The following MARCHF8 variants were observed in gnomAD, a reference collection of about 807,000 sequenced individuals.
MARCHF8 encodes E3 ubiquitin-protein ligase MARCHF8.
Under a neutral mutation model 51.6 loss-of-function variants are expected in MARCHF8, and 40 were observed. That is an observed-to-expected ratio of 0.77 (90% CI 0.60 to 1.01). MARCHF8 has a LOEUF of 1.01. Among genes scored for constraint, MARCHF8 ranks in the 50% least tolerant of loss-of-function variants. The pLI is 0.00. For synonymous variants in MARCHF8, 263 were observed against 280.3 expected, an observed-to-expected ratio of 0.94 and a Z score of 0.62; for missense variants, 685 against 708.6, an observed-to-expected ratio of 0.97 and a Z score of 0.38.
At chr10:45,523,477 T>C (rs992024090) in intron 2 of MARCHF8, among the ~76,000 whole-genome samples, 2 of 152,242 alleles carry the variant, frequency 1.3e-5, no homozygotes, top group African/African-American at 4.8e-5. Context: ...TGAGCTATGA[T>C]CATGCCACTG....
At chr10:45,538,536 G>A (rs1299916328), upstream of MARCHF8, among the ~76,000 whole-genome samples, 3 of 152,262 alleles carry the variant, frequency 2.0e-5, no homozygotes, top group East Asian at 5.8e-4. Context: ...TGGATAAAGA[G>A]TCAAGACCCA....
intron 3 of MARCHF8, among the ~76,000 whole-genome samples, chr10:45,469,322 A>C (rs941888818): frequency 3.9e-5 from 6 of 152,194 alleles, no homozygotes; most frequent in African/African-American, 1.2e-4. Flanking sequence ...ACAGAAATTC[A>C]TTCTTAAAAT....
chr10:45,569,461 T>C (rs535617164), intron 1 of MARCHF8, among the ~76,000 whole-genome samples: 1 of 152,338 alleles, frequency 6.6e-6, no homozygotes, highest in East Asian at 1.9e-4. Context: ...CACTTGGTCA[T>C]GTTGAATGAT....
rs74528632 is a variant in MARCHF8 at position 45,563,574 on chromosome 10, A to G, written c.-78-30285T>C. Reference sequence around the variant, plus strand: ...CAATTCAGAGGAAAAATACCATAAGAAAAAAATCAAGTGAAAAAACCTTAA... The same window carrying G: ...CAATTCAGAGGAAAAATACCATAAGGAAAAAATCAAGTGAAAAAACCTTAA... On this transcript the variant is annotated intron_variant, in intron 1 of 6. Transcript: ENST00000319836. Among the ~76,000 whole-genome samples the G allele has an allele frequency of 3.8e-3, 573 of 152,324 alleles. 11 individuals carry two copies. The East Asian group carries it at 0.052, about 14-fold the overall frequency.
At chr10:45,586,853 A>G (rs992175971) in intron 1 of MARCHF8, among the ~76,000 whole-genome samples, 2 of 152,098 alleles carry the variant, frequency 1.3e-5, no homozygotes, top group East Asian at 3.8e-4. Context: ...ATGCTGGATA[A>G]AAGTCCTCTG....
intron 2 of MARCHF8, among the ~76,000 whole-genome samples, chr10:45,495,366 C>A (rs1221462884): frequency 6.6e-6 from 1 of 150,790 alleles, no homozygotes; most frequent in Non-Finnish European, 1.5e-5. Flanking sequence ...TTTTATAAAT[C>A]TCATTGTTTA....
intron 1 of MARCHF8, among the ~76,000 whole-genome samples, chr10:45,577,472 A>G (rs974856780): frequency 2.3e-4 from 35 of 152,310 alleles, no homozygotes; most frequent in Admixed American, 5.9e-4. Context: ...AAAATATCTC[A>G]TGCACCTCAC....
upstream of MARCHF8, among the ~76,000 whole-genome samples, chr10:45,540,199 A>G: frequency 6.6e-6 from 1 of 152,248 alleles, no homozygotes; most frequent in Admixed American, 6.5e-5. Flanking sequence ...GGAAAAAGCT[A>G]CTTTAAAGTT....
At chr10:45,495,069 G>A (rs757931492) in intron 2 of MARCHF8, among the ~76,000 whole-genome samples, 23 of 151,360 alleles carry the variant, frequency 1.5e-4, no homozygotes, top group African/African-American at 2.2e-4. Flanking sequence ...GCAGTGAGCC[G>A]AGATCGCGCG....
intron 3 of MARCHF8, among the ~76,000 whole-genome samples, chr10:45,469,813 C>T (rs1468475722): frequency 3.2e-5 from 4 of 126,326 alleles, no homozygotes; most frequent in East Asian, 5.2e-4. Context: ...TGCAGTGAGC[C>T]GAGATCGCGC....
chr10:45,458,077 T>G lies in MARCHF8; in HGVS notation c.*162A>C. On this transcript the variant is annotated 3_prime_UTR_variant, in exon 8 of 8. Transcript: ENST00000453424. ...CAGGCATGCCTGGCCCACAGGAAGG[T>G]TTTCTAGGAGACTAAGGAGGGTTTA... 2 of 769,714 alleles carry G rather than the reference T, an allele frequency of 2.6e-6. No homozygotes were observed. Among genetic ancestry groups the G allele is most frequent in the Admixed American group, 3.3e-5 (1 of 30,552 alleles). The allele number at this position is 769,714 out of a possible 1,614,324, so 47.7% of individuals were successfully genotyped here.
intron 3 of MARCHF8, among the ~76,000 whole-genome samples, chr10:45,472,316 T>G (rs2042707093): frequency 6.6e-6 from 1 of 152,224 alleles, no homozygotes; most frequent in African/African-American, 2.4e-5. Context: ...CTGGGATATG[T>G]TAACTTAGAA....
At chr10:45,574,189 C>T (rs1392576144) in intron 1 of MARCHF8, among the ~76,000 whole-genome samples, 1 of 152,102 alleles carries the variant, frequency 6.6e-6, no homozygotes, top group Admixed American at 6.5e-5. Context: ...CACTTAATGC[C>T]AATATCCCAT....
chr10:45,531,733 G>C (rs2133273412), intron 2 of MARCHF8, among the ~76,000 whole-genome samples: 2 of 152,278 alleles, frequency 1.3e-5, no homozygotes, highest in African/African-American at 4.8e-5. Context: ...TAACAGATTA[G>C]ACTAAGCAAA....
intron 1 of MARCHF8, among the ~76,000 whole-genome samples, chr10:45,569,064 C>CAAAAAAA (rs71023131): frequency 3.1e-5 from 2 of 64,400 alleles, no homozygotes; most frequent in African/African-American, 6.1e-5. Flanking sequence ...GACTCCATCT[C>CAAAAAAA]AAAAAAAAAA....
Position 45,531,280 on chromosome 10 carries a change from G to T in MARCHF8, c.102+1830C>A, listed in dbSNP as rs2043880419. 4.6e-5 allele frequency among the ~76,000 whole-genome samples: 7 copies of T among 151,784 alleles called. No homozygotes were observed. The South Asian group carries it at 1.5e-3, about 31-fold the overall frequency. ...CCACAAGCACAACTTCAGAATACAA[G>T]AAACAAATAAAAAATATTTTTTAAA... is the stretch of plus-strand genomic sequence containing the variant. On this transcript the variant is annotated intron_variant, in intron 2 of 7. Transcript: ENST00000453424.
chr10:45,499,488 C>T (rs1248794479), intron 2 of MARCHF8, among the ~76,000 whole-genome samples: 1 of 152,080 alleles, frequency 6.6e-6, no homozygotes. Flanking sequence ...CTTTTGGTGT[C>T]ATATCCAAAA....
At chr10:45,567,605 C>T (rs771093322) in intron 1 of MARCHF8, among the ~76,000 whole-genome samples, 67 of 152,096 alleles carry the variant, frequency 4.4e-4, no homozygotes, top group Non-Finnish European at 8.7e-4. Context: ...GGATTTATTT[C>T]TGGGTTCTCG....
chr10:45,511,417 C>A (rs2043500692), intron 2 of MARCHF8, among the ~76,000 whole-genome samples: 1 of 152,150 alleles, frequency 6.6e-6, no homozygotes. Context: ...GGCCCACGGT[C>A]TCCCTCTCCC....
Sources: allele counts gnomAD v4.1 joint callset (sites outside exome capture counted in the v4.1 genomes callset), GRCh38; gene constraint gnomAD v4.1.1; transcripts MANE v1.5; gene names NCBI Gene and HGNC (gene_info 2026-07-23, HGNC 2026-07-21).